The following FAM120B variants were observed in gnomAD, a reference collection of about 807,000 sequenced individuals.
The protein encoded by FAM120B is family with sequence similarity 120 member B, also known as constitutive coactivator of peroxisome proliferator-activated receptor gamma.
A neutral mutation model predicts 96.3 loss-of-function variants in FAM120B; 83 were observed. The observed-to-expected ratio is 0.86, with a 90% CI of 0.72 to 1.03. The LOEUF is 1.03. Ranked by LOEUF, FAM120B falls within the 50% of genes least tolerant of loss-of-function variation. The pLI is 0.00. For missense variants in FAM120B, 1,027 were observed against 1,121.2 expected, an observed-to-expected ratio of 0.92 and a Z score of 1.20; for synonymous variants, 407 against 402.7, an observed-to-expected ratio of 1.01 and a Z score of -0.13.
intron 1 of FAM120B, among the ~76,000 whole-genome samples, chr6:170,297,013 C>T (rs1467380691): frequency 1.3e-5 from 2 of 152,260 alleles, no homozygotes; most frequent in Non-Finnish European, 2.9e-5. Context: ...TGTCAATCAC[C>T]CACGCTGGGC....
chr6:170,402,175 TATTA>T (rs1461061950), intron 9 of FAM120B, among the ~76,000 whole-genome samples: 4 of 152,250 alleles, frequency 2.6e-5, no homozygotes, highest in African/African-American at 9.6e-5. Flanking sequence ...CCCTCTTAAA[TATTA>T]AATATTAAAT....
intron 5 of FAM120B, among the ~76,000 whole-genome samples, chr6:170,354,611 A>G (rs1325179546): frequency 6.6e-6 from 1 of 152,202 alleles, no homozygotes; most frequent in Non-Finnish European, 1.5e-5. Flanking sequence ...GGCAAAAGAC[A>G]TGAACAGACA....
rs772263934 is a variant in FAM120B, at chr6:170,358,324, G to A, written c.2283+6G>A. The A allele has an allele frequency of 5.7e-6, 9 of 1,585,924 alleles. No homozygotes were observed. The highest frequency in any genetic ancestry group is 7.8e-6 in the Non-Finnish European group (9 of 1,158,530). ...CGCAGCTTGTAAATCTACAGGTACA[G>A]ACGTGACCAGTTAGTTGTCACTGCC... is the stretch of plus-strand genomic sequence containing the variant. On this transcript the variant is annotated splice_donor_region_variant and intron_variant, in intron 6 of 10. Transcript: ENST00000476287.
intron 7 of FAM120B, 134 bp downstream of exon 7, chr6:170,388,627 A>G: frequency 4.1e-6 from 3 of 738,494 alleles, no homozygotes; most frequent in Non-Finnish European, 6.8e-6. Flanking sequence ...CCAGGAACAC[A>G]TGATTTGAAG....
upstream of FAM120B, chr6:170,306,516 G>A (rs888357039): frequency 6.6e-6 from 1 of 152,258 alleles, no homozygotes; most frequent in Non-Finnish European, 1.5e-5. Context: ...CGACGCCAGC[G>A]GGCAGCTACC....
At chr6:170,379,923 C>T (rs1466548676) in intron 6 of FAM120B, among the ~76,000 whole-genome samples, 1 of 152,200 alleles carries the variant, frequency 6.6e-6, no homozygotes, top group African/African-American at 2.4e-5. Flanking sequence ...GTTATTAACT[C>T]TAGTCCTCGT....
rs1785135157 is a variant in FAM120B, at chr6:170,319,219, A to C, written c.1734+95A>C. On this transcript the variant is annotated intron_variant, in intron 2 of 10. Coordinates refer to ENST00000476287, the MANE Select transcript of FAM120B (RefSeq NM_032448.3). ...TCCATTACTGCCTCAGTGTTTGGCC[A>C]CTGAGAGGATGCACAACAGGAGTCT... The C allele has an allele frequency of 3.2e-6, 4 of 1,251,376 alleles. No homozygotes were observed. In the East Asian group the frequency reaches 9.4e-5, roughly 29 times the overall value. 77.5% of individuals were successfully genotyped at this position (1,251,376 alleles called of 1,614,324 possible).
chr6:170,296,154 G>A (rs1327904320), intron 1 of FAM120B, among the ~76,000 whole-genome samples: 3 of 152,108 alleles, frequency 2.0e-5, no homozygotes, highest in Non-Finnish European at 4.4e-5. Context: ...CGCCCCGTGC[G>A]AACCCCGGAG....
intron 5 of FAM120B, among the ~76,000 whole-genome samples, chr6:170,357,550 C>G (rs1788030898): frequency 6.6e-6 from 1 of 152,192 alleles, no homozygotes; most frequent in Non-Finnish European, 1.5e-5. Flanking sequence ...CTGATTTACT[C>G]TCAACTAGGA....
chr6:170,341,814 G>T (rs552387506), intron 4 of FAM120B, among the ~76,000 whole-genome samples: 1 of 152,300 alleles, frequency 6.6e-6, no homozygotes, highest in South Asian at 2.1e-4. Flanking sequence ...CTGAACCAAT[G>T]CCTAACCAGT....
At chr6:170,396,511 G>T (rs1778173123) in intron 9 of FAM120B, among the ~76,000 whole-genome samples, 1 of 152,192 alleles carries the variant, frequency 6.6e-6, no homozygotes, top group Admixed American at 6.5e-5. Context: ...ATCTTTGAGA[G>T]AGCTCCAGGA....
At chr6:170,309,334 G>A (rs1784463799) in intron 1 of FAM120B, among the ~76,000 whole-genome samples, 1 of 152,142 alleles carries the variant, frequency 6.6e-6, no homozygotes, top group South Asian at 2.1e-4. Context: ...AATATGAGAA[G>A]TAAATAATTA....
At chr6:170,341,339 C>T (rs1462098301) in intron 4 of FAM120B, among the ~76,000 whole-genome samples, 1 of 152,186 alleles carries the variant, frequency 6.6e-6, no homozygotes, top group East Asian at 1.9e-4. Flanking sequence ...GGCAGACGCC[C>T]CTCCCCCCAC....
rs767205522 is a variant in FAM120B at position 170,318,150 on chromosome 6, A to G, written c.760A>G (p.Lys254Glu). 3 of 1,614,132 alleles carry G rather than the reference A, an allele frequency of 1.9e-6. No individual in the cohort carries two copies. Among genetic ancestry groups the G allele is most frequent in the Non-Finnish European group, 2.5e-6 (3 of 1,180,058 alleles). The change falls in exon 2 of 11, where the codon AAA (lysine) becomes GAA (glutamate). Residue 254 changes from lysine to glutamate, a missense_variant. By Grantham distance (56) the Lys-to-Glu change is moderately conservative. This residue lies in a region of FAM120B where 880 missense variants were observed against 980.9 expected (regional missense o/e 0.90). Transcript: ENST00000476287. ...ATGCTTATCGTCCTACACCTCTGTA[A>G]AAGAGAACTTTGACAAAAAAGGTAA... is the stretch of plus-strand genomic sequence containing the variant. ...YKCLSSYTSVKENFDKKGNII... is the reference protein window; with the variant it reads ...YKCLSSYTSVEENFDKKGNII...
intron 4 of FAM120B, among the ~76,000 whole-genome samples, chr6:170,338,558 AGAGTT>A (rs1380073389): frequency 1.3e-5 from 2 of 152,186 alleles, no homozygotes; most frequent in Admixed American, 6.5e-5. Flanking sequence ...TACTTGGTCC[AGAGTT>A]GAGTTCAGAA....
At chr6:170,313,156 C>G (rs777483016) in intron 1 of FAM120B, among the ~76,000 whole-genome samples, 9 of 152,194 alleles carry the variant, frequency 5.9e-5, no homozygotes, top group Non-Finnish European at 1.3e-4. Flanking sequence ...TATTTATTCA[C>G]CTGGTTGTTT....
intron 5 of FAM120B, among the ~76,000 whole-genome samples, chr6:170,350,168 T>C (rs1402200985): frequency 6.6e-6 from 1 of 152,176 alleles, no homozygotes; most frequent in African/African-American, 2.4e-5. Flanking sequence ...AATCTGTCTG[T>C]ACATATCCCT....
intron 6 of FAM120B, among the ~76,000 whole-genome samples, chr6:170,384,932 A>G (rs1319308911): frequency 6.6e-6 from 1 of 152,244 alleles, no homozygotes; most frequent in East Asian, 1.9e-4. Context: ...GATAGGACAA[A>G]CAGACAGAAG....
Position 170,311,000 on chromosome 6 carries a change from G to C in FAM120B, c.-22+4158G>C, listed in dbSNP as rs371189844. On this transcript the variant is annotated intron_variant, in intron 1 of 10. Transcript: ENST00000476287. Reference sequence around the variant, plus strand: ...CTCATGTTCTTAGTGTATTTCTGGGGGGATAGAAGAGGGTCTCTCTGCCCT... The same window carrying C: ...CTCATGTTCTTAGTGTATTTCTGGGCGGATAGAAGAGGGTCTCTCTGCCCT... Among the ~76,000 whole-genome samples, 6 of 152,298 alleles carry C rather than the reference G, an allele frequency of 3.9e-5. No homozygotes were observed. In the South Asian group the frequency reaches 6.2e-4, roughly 16 times the overall value.
Sources: allele counts gnomAD v4.1 joint callset (sites outside exome capture counted in the v4.1 genomes callset), GRCh38; gene constraint gnomAD v4.1.1; regional missense constraint gnomAD v4.1.1; transcripts MANE v1.5; gene names NCBI Gene and HGNC (gene_info 2026-07-23, HGNC 2026-07-21).